DLG1: variants seen among roughly 807,000 people sequenced by gnomAD.
DLG1 encodes the protein disks large homolog 1.
In DLG1, 42 loss-of-function variants were observed where a neutral mutation model predicts 123.4. The observed-to-expected ratio is 0.34, with a 90% CI of 0.27 to 0.44. The LOEUF is 0.44. Among genes scored for constraint, DLG1 ranks in the 20% least tolerant of loss-of-function variants. The pLI, the probability that DLG1 is intolerant of heterozygous loss-of-function variation, is 1.00. For missense variants in DLG1, 942 were observed against 1,082.6 expected (o/e 0.87, Z 1.82); for synonymous variants, 317 against 356.2 (o/e 0.89, Z 1.24).
chr3:197,239,287 A>T (rs1747634973), intron 4 of DLG1, among the ~76,000 whole-genome samples: 1 of 152,120 alleles, frequency 6.6e-6, no homozygotes, highest in Non-Finnish European at 1.5e-5. Flanking sequence ...AGAAAGAGAA[A>T]ATCTAAATAG....
chr3:197,282,645 A>C (rs751506171), intron 4 of DLG1, 34 bp downstream of exon 4: 2 of 1,428,982 alleles, frequency 1.4e-6, no homozygotes, highest in South Asian at 3.5e-5. Flanking sequence ...ATTGATCACC[A>C]AAAAACAGCT....
At chr3:197,121,568 A>C (rs1033914230) in intron 11 of DLG1, among the ~76,000 whole-genome samples, 1 of 152,088 alleles carries the variant, frequency 6.6e-6, no homozygotes, top group Non-Finnish European at 1.5e-5. Context: ...TGTTAGATTC[A>C]ACAGACTTCT....
chr3:197,206,055 G>A (rs1020238722), intron 4 of DLG1, among the ~76,000 whole-genome samples: 7 of 152,062 alleles, frequency 4.6e-5, no homozygotes, highest in African/African-American at 1.4e-4. Flanking sequence ...CATTTGTGAC[G>A]TTAATTTCCT....
intron 18 of DLG1, among the ~76,000 whole-genome samples, chr3:197,073,061 C>CA (rs1745068530): frequency 6.6e-6 from 1 of 152,186 alleles, no homozygotes; most frequent in African/African-American, 2.4e-5. Flanking sequence ...TCATTGTACT[C>CA]AAATGCTTCT....
chr3:197,262,168 A>G (rs1759709361), intron 4 of DLG1, among the ~76,000 whole-genome samples: 1 of 152,166 alleles, frequency 6.6e-6, no homozygotes. Context: ...TCATCACCAG[A>G]AAGACCACGG....
intron 14 of DLG1, among the ~76,000 whole-genome samples, chr3:197,094,822 G>T (rs1214105687): frequency 1.3e-5 from 2 of 152,238 alleles, no homozygotes; most frequent in Admixed American, 6.5e-5. Context: ...CCTTTATTGA[G>T]TATGTTCACT....
intron 5 of DLG1, among the ~76,000 whole-genome samples, chr3:197,176,493 A>G (rs1807173366): frequency 6.6e-6 from 1 of 151,952 alleles, no homozygotes; most frequent in Non-Finnish European, 1.5e-5. Flanking sequence ...CCTGGCAACC[A>G]CTGATCTTTT....
chr3:197,141,582 TTATC>T (rs1188314022), intron 7 of DLG1, among the ~76,000 whole-genome samples: 1 of 152,228 alleles, frequency 6.6e-6, no homozygotes, highest in African/African-American at 2.4e-5. Flanking sequence ...ATAAATCTAA[TTATC>T]TAGGATTTCA....
intron 13 of DLG1, among the ~76,000 whole-genome samples, chr3:197,105,307 A>T (rs1276480200): frequency 1.3e-5 from 2 of 152,192 alleles, no homozygotes; most frequent in African/African-American, 4.8e-5. Context: ...AGAACCTGAA[A>T]AATCAAGTGG....
chr3:197,234,536 T>C (rs1744936168), intron 4 of DLG1, among the ~76,000 whole-genome samples: 4 of 152,328 alleles, frequency 2.6e-5, no homozygotes, highest in African/African-American at 4.8e-5. Flanking sequence ...ACTGCCATTA[T>C]AATATGGACA....
At chr3:197,138,472 C>A in intron 8 of DLG1, 81 bp from the exon 9 acceptor site, 1 of 689,956 alleles carries the variant, frequency 1.4e-6, no homozygotes, top group Non-Finnish European at 1.9e-6. Flanking sequence ...TTTTTTGTTA[C>A]TTCTTTTTTA....
At chr3:197,288,449 C>G (rs1772982380) in intron 3 of DLG1, among the ~76,000 whole-genome samples, 1 of 150,198 alleles carries the variant, frequency 6.7e-6, no homozygotes, top group African/African-American at 2.5e-5. Flanking sequence ...TGGCCAGGCA[C>G]AGTGGTTCAT....
At chr3:197,211,029 TTAATG>T (rs1578129083) in intron 4 of DLG1, among the ~76,000 whole-genome samples, 1 of 145,246 alleles carries the variant, frequency 6.9e-6, no homozygotes, top group East Asian at 2.0e-4. Context: ...AAAAAATAAA[TTAATG>T]TAATTCTCTA....
At chr3:197,279,548 CTCT>C (rs373764616) in intron 4 of DLG1, among the ~76,000 whole-genome samples, 12 of 152,308 alleles carry the variant, frequency 7.9e-5, no homozygotes, top group Admixed American at 2.6e-4. Flanking sequence ...TGACCATATT[CTCT>C]TCTCATCTAC....
intron 5 of DLG1, among the ~76,000 whole-genome samples, chr3:197,177,844 A>C (rs1807950127): frequency 6.6e-6 from 1 of 152,144 alleles, no homozygotes; most frequent in Admixed American, 6.6e-5. Context: ...GCAAGTAAGA[A>C]TCATCAGTTA....
rs747785538 is a variant in DLG1, at chr3:197,090,935, G to C, written c.1638C>G (p.Ser546Arg). 5.0e-6 allele frequency: 8 copies of C among 1,609,794 alleles called. 1 individual carries two copies. The South Asian group carries it at 6.6e-5, about 13-fold the overall frequency. ...ISSGSGSLRT[S>R]QKRSLYVRAL... ...ACCTGACATAGAGGGATCGCTTCTG[G>C]CTAGTTCGAAGAGAACCTGACCCTG... The change falls in exon 15 of 25, where the codon AGC becomes AGG. Residue 546 changes from serine (S) to arginine (R), a missense_variant. Physicochemically the swap from Ser to Arg is moderately radical, Grantham distance 110. Transcript: ENST00000667157.
At position 197,103,110 on chromosome 3, in the gene DLG1, T is replaced by C. The variant is rs151264435; in HGVS notation, c.1546+1793A>G. 8.5e-5 allele frequency among the ~76,000 whole-genome samples: 13 copies of C among 152,304 alleles called. 1 individual carries two copies. The highest frequency in any genetic ancestry group is 2.9e-4 in the African/African-American group (12 of 41,564). Reference sequence around the variant, plus strand: ...CCTAAATTTGTGCCATCACAAACATTCTCAACATTCCATATTTTAACTCTT... The same window carrying C: ...CCTAAATTTGTGCCATCACAAACATCCTCAACATTCCATATTTTAACTCTT... On this transcript the variant is annotated intron_variant, in intron 14 of 24. Coordinates refer to ENST00000667157, the MANE Select transcript of DLG1 (RefSeq NM_001366207.1).
At chr3:197,192,308 T>C (rs1720040427) in intron 5 of DLG1, among the ~76,000 whole-genome samples, 1 of 151,642 alleles carries the variant, frequency 6.6e-6, no homozygotes, top group Non-Finnish European at 1.5e-5. Flanking sequence ...TAAGAAAACA[T>C]TACATATTCA....
chr3:197,261,091 A>C (rs1759232560), intron 4 of DLG1, among the ~76,000 whole-genome samples: 1 of 152,244 alleles, frequency 6.6e-6, no homozygotes, highest in African/African-American at 2.4e-5. Flanking sequence ...AGATAGTTAC[A>C]ACTATGTAAC....
Sources: allele counts gnomAD v4.1 joint callset (sites outside exome capture counted in the v4.1 genomes callset), GRCh38; gene constraint gnomAD v4.1.1; transcripts MANE v1.5; gene names NCBI Gene and HGNC (gene_info 2026-07-23, HGNC 2026-07-21).